GRM8: variants seen among roughly 807,000 people sequenced by gnomAD.
The protein encoded by GRM8 is metabotropic glutamate receptor 8.
Under a neutral mutation model 87.2 loss-of-function variants are expected in GRM8, and 47 were observed. The observed-to-expected ratio is 0.54, with a 90% CI of 0.43 to 0.69. The LOEUF (loss-of-function observed/expected upper bound fraction) is 0.69, where lower values mean the gene tolerates loss of function less well. Ranked by LOEUF, GRM8 falls within the 30% of genes least tolerant of loss-of-function variation. GRM8 has a pLI of 0.00. For synonymous variants in GRM8, 396 were observed against 404.5 expected, an observed-to-expected ratio of 0.98 and a Z score of 0.25; for missense variants, 1,019 against 1,139.2, an observed-to-expected ratio of 0.89 and a Z score of 1.52.
At chr7:127,006,182 T>C (rs944421967) in intron 3 of GRM8, among the ~76,000 whole-genome samples, 1 of 151,932 alleles carries the variant, frequency 6.6e-6, no homozygotes, top group Admixed American at 6.6e-5. Context: ...TTTTTCCTCC[T>C]AATATGAGGG....
chr7:126,643,897 G>T (rs1041690043), intron 7 of GRM8, among the ~76,000 whole-genome samples: 1 of 152,238 alleles, frequency 6.6e-6, no homozygotes, highest in East Asian at 1.9e-4. Context: ...GTCACCGAAG[G>T]TCGTGCAGAA....
At chr7:126,595,837 A>G (rs1797132923) in intron 8 of GRM8, among the ~76,000 whole-genome samples, 1 of 152,108 alleles carries the variant, frequency 6.6e-6, no homozygotes, top group Admixed American at 6.6e-5. Context: ...TGTCTTTATG[A>G]TAGAATGATT....
chr7:127,223,429 C>CCA (rs1254452877), intron 2 of GRM8, among the ~76,000 whole-genome samples: 14 of 138,884 alleles, frequency 1.0e-4, no homozygotes, highest in South Asian at 2.3e-4. Context: ...TCGAAACACA[C>CCA]CACACACACA....
intron 7 of GRM8, among the ~76,000 whole-genome samples, chr7:126,628,239 G>T (rs910240703): frequency 1.3e-5 from 2 of 151,898 alleles, no homozygotes; most frequent in East Asian, 3.9e-4. Context: ...GTAGAGACAG[G>T]GTTTCACTGT....
chr7:126,902,562 C>T lies in GRM8; in HGVS notation c.1136G>A (p.Ser379Asn), dbSNP rs771839574. 13 of 1,606,084 alleles carry T rather than the reference C, an allele frequency of 8.1e-6. No individual in the cohort carries two copies. In the East Asian group the frequency reaches 2.9e-4, roughly 36 times the overall value. Residue 379 changes from serine (S) to asparagine (N), a missense_variant, in exon 6 of 11, where the codon AGT becomes AAT. Coordinates refer to ENST00000339582, the MANE Select transcript of GRM8 (RefSeq NM_000845.3). ...GTTACCTGTGCATTTCTTTATATGA[C>T]TGTTCCTTTTCCCATGTGATCCTAA... ...CKLGSHGKRNSHIKKCTGLER... is the reference protein window; with the variant it reads ...CKLGSHGKRNNHIKKCTGLER...
intron 2 of GRM8, among the ~76,000 whole-genome samples, chr7:127,118,690 A>G (rs879678539): frequency 6.6e-6 from 1 of 152,250 alleles, no homozygotes; most frequent in Non-Finnish European, 1.5e-5. Flanking sequence ...ATGACAGAAT[A>G]AGATTCAAAT....
intron 1 of GRM8, among the ~76,000 whole-genome samples, chr7:127,245,153 C>T (rs772761039): frequency 3.3e-5 from 5 of 152,166 alleles, no homozygotes; most frequent in Non-Finnish European, 5.9e-5. Flanking sequence ...CTGGATGAAA[C>T]CATTTAAGTG....
chr7:127,207,881 C>T (rs779841404), intron 2 of GRM8, among the ~76,000 whole-genome samples: 4 of 152,156 alleles, frequency 2.6e-5, no homozygotes, highest in Non-Finnish European at 4.4e-5. Context: ...TTAAGTCATG[C>T]ACCCTCCACA....
chr7:127,250,553 C>G (rs1798812858), intron 1 of GRM8, among the ~76,000 whole-genome samples: 1 of 152,066 alleles, frequency 6.6e-6, no homozygotes, highest in Non-Finnish European at 1.5e-5. Context: ...ATGGTACAAC[C>G]TGTAGTTGAC....
At chr7:127,004,523 G>T (rs1335744022) in intron 3 of GRM8, among the ~76,000 whole-genome samples, 1 of 151,564 alleles carries the variant, frequency 6.6e-6, no homozygotes, top group Non-Finnish European at 1.5e-5. Context: ...GTACAACAAA[G>T]CTTCACCGAT....
At chr7:127,122,864 G>A (rs921898766) in intron 2 of GRM8, among the ~76,000 whole-genome samples, 1 of 152,090 alleles carries the variant, frequency 6.6e-6, no homozygotes, top group Non-Finnish European at 1.5e-5. Context: ...AGAAGAGTAG[G>A]GGGTAGATTA....
At chr7:127,223,727 G>A (rs1222393053) in intron 2 of GRM8, among the ~76,000 whole-genome samples, 1 of 152,026 alleles carries the variant, frequency 6.6e-6, no homozygotes. Flanking sequence ...GAGGTCACAT[G>A]GAGAACCATA....
intron 3 of GRM8, among the ~76,000 whole-genome samples, chr7:127,077,406 TC>T (rs1205773574): frequency 6.6e-6 from 1 of 152,216 alleles, no homozygotes; most frequent in East Asian, 1.9e-4. Context: ...TCCATGAACT[TC>T]CCCCAAATTG....
intron 6 of GRM8, among the ~76,000 whole-genome samples, chr7:126,822,322 T>C (rs1220993744): frequency 6.6e-6 from 1 of 152,158 alleles, no homozygotes; most frequent in African/African-American, 2.4e-5. Context: ...CTAGACCACA[T>C]AGTATTTTTG....
rs36129145 is a variant in GRM8, at chr7:126,974,936, C to CAAAAA, written c.728-70258_728-70254dup. On this transcript the variant is annotated intron_variant, in intron 3 of 10. Coordinates refer to ENST00000339582, the MANE Select transcript of GRM8 (RefSeq NM_000845.3). Reference sequence around the variant, plus strand: ...GGGTGACAGAGCGAGACTCTTGTCTCAAAAAAAAAAAAAAAAAAAAAAAAA... The same window carrying CAAAAA: ...GGGTGACAGAGCGAGACTCTTGTCTCAAAAAAAAAAAAAAAAAAAAAAAAAAAAAA... Among the ~76,000 whole-genome samples the CAAAAA allele has an allele frequency of 2.9e-3, 171 of 59,624 alleles. 9 individuals are homozygous for CAAAAA. Among genetic ancestry groups the CAAAAA allele is most frequent in the African/African-American group, 8.1e-3 (120 of 14,844 alleles). The allele number at this position is 59,624 out of a possible 152,430, so 39.1% of individuals were successfully genotyped here.
chr7:127,172,960 G>A (rs1793903631), intron 2 of GRM8, among the ~76,000 whole-genome samples: 1 of 152,078 alleles, frequency 6.6e-6, no homozygotes, highest in Non-Finnish European at 1.5e-5. Flanking sequence ...TAAGATGGTG[G>A]ATTATAGGAA....
chr7:127,114,737 T>C (rs1435996835), intron 2 of GRM8, among the ~76,000 whole-genome samples: 3 of 152,220 alleles, frequency 2.0e-5, no homozygotes, highest in Non-Finnish European at 4.4e-5. Flanking sequence ...CCTGAAAGTA[T>C]AAATATATAT....
At chr7:127,112,871 T>A (rs188160348) in intron 2 of GRM8, among the ~76,000 whole-genome samples, 1 of 152,340 alleles carries the variant, frequency 6.6e-6, no homozygotes, top group Admixed American at 6.5e-5. Context: ...CTTCAATGTG[T>A]CATTAAAGAA....
At chr7:126,857,139 A>G (rs1160881180) in intron 6 of GRM8, among the ~76,000 whole-genome samples, 1 of 152,222 alleles carries the variant, frequency 6.6e-6, no homozygotes, top group Non-Finnish European at 1.5e-5. Context: ...TGCCTATTCT[A>G]GAAGGGACAA....
Sources: allele counts gnomAD v4.1 joint callset (sites outside exome capture counted in the v4.1 genomes callset), GRCh38; gene constraint gnomAD v4.1.1; transcripts MANE v1.5; gene names NCBI Gene and HGNC (gene_info 2026-07-23, HGNC 2026-07-21).